Variants in ZCCHC17 observed in about 807,000 individuals in gnomAD.
ZCCHC17 encodes zinc finger CCHC domain-containing protein 17.
Under a neutral mutation model 30.6 loss-of-function variants are expected in ZCCHC17, and 18 were observed. The ratio of observed to expected loss-of-function variants is 0.59; its 90% confidence interval spans 0.41 to 0.87. ZCCHC17 has a LOEUF of 0.87. Among genes scored for constraint, ZCCHC17 ranks in the 40% least tolerant of loss-of-function variants. ZCCHC17 has a pLI of 0.00. For missense variants in ZCCHC17, 263 were observed against 284.2 expected, an observed-to-expected ratio of 0.93 and a Z score of 0.54; for synonymous variants, 88 against 92.4, an observed-to-expected ratio of 0.95 and a Z score of 0.27.
intron 2 of ZCCHC17, among the ~76,000 whole-genome samples, chr1:31,316,981 A>G (rs930458487): frequency 2.6e-5 from 4 of 151,496 alleles, no homozygotes; most frequent in Non-Finnish European, 4.4e-5. Flanking sequence ...AAGGCACTGG[A>G]CTAGGGAGTC....
At chr1:31,331,865 C>T (rs1304098214) in intron 3 of ZCCHC17, among the ~76,000 whole-genome samples, 1 of 152,110 alleles carries the variant, frequency 6.6e-6, no homozygotes, top group Non-Finnish European at 1.5e-5. Flanking sequence ...CTGCCTCAGC[C>T]TCCCAAAGTG....
chr1:31,307,679 A>G (rs990121401), intron 1 of ZCCHC17, among the ~76,000 whole-genome samples: 60 of 151,974 alleles, frequency 3.9e-4, no homozygotes, highest in African/African-American at 1.4e-3. Flanking sequence ...GGTTCAAGCA[A>G]TTCCCCTGCC....
intron 3 of ZCCHC17, among the ~76,000 whole-genome samples, chr1:31,324,559 C>T (rs1343822190): frequency 6.6e-6 from 1 of 152,242 alleles, no homozygotes; most frequent in Non-Finnish European, 1.5e-5. Context: ...CTCCCACTGC[C>T]TGGACTCTCC....
intron 4 of ZCCHC17, among the ~76,000 whole-genome samples, chr1:31,337,536 T>C (rs979691849): frequency 6.6e-6 from 1 of 152,014 alleles, no homozygotes; most frequent in East Asian, 1.9e-4. Flanking sequence ...ACCCATAGGG[T>C]GGGCCGGAGG....
intron 5 of ZCCHC17, among the ~76,000 whole-genome samples, chr1:31,343,688 ATT>A (rs10718784): frequency 0.55 from 72,117 of 132,114 alleles, 19,701 homozygotes; most frequent in Non-Finnish European, 0.62. Context: ...GTAGTATATA[ATT>A]TTTTTTTTTT....
rs1404328062 is a variant in ZCCHC17, at chr1:31,310,606, C to CT, written c.66+444dup. Among the ~76,000 whole-genome samples, 4 of 152,344 alleles carry CT rather than the reference C, an allele frequency of 2.6e-5. No homozygotes were observed. The East Asian group carries it at 7.7e-4, about 29-fold the overall frequency. On this transcript the variant is annotated intron_variant, in intron 2 of 7. Transcript: ENST00000344147. Reference sequence around the variant, plus strand: ...CTTTCTCTCCTTCTTACCCTCTTACCTTCCACCATGGGATGACACAACAAG... The same window carrying CT: ...CTTTCTCTCCTTCTTACCCTCTTACCTTTCCACCATGGGATGACACAACAAG...
At chr1:31,322,262 CTT>C (rs769264506) in intron 3 of ZCCHC17, among the ~76,000 whole-genome samples, 2 of 152,160 alleles carry the variant, frequency 1.3e-5, no homozygotes, top group Non-Finnish European at 2.9e-5. Flanking sequence ...ATTCCACAAA[CTT>C]AAGGGCTCAG....
rs913100391 is a variant in ZCCHC17 at position 31,337,110 on chromosome 1, C to T, written c.125-65C>T. ...CATTCCCCAACTCTTACCTTCTTAT[C>T]CAGTTTAGAGTATAAATACCAGATA... On this transcript the variant is annotated intron_variant, in intron 3 of 7. Coordinates refer to ENST00000344147, the MANE Select transcript of ZCCHC17 (RefSeq NM_016505.4). 5 of 1,419,550 alleles carry T rather than the reference C, an allele frequency of 3.5e-6. No homozygotes were observed. In the African/African-American group the frequency reaches 5.7e-5, roughly 16 times the overall value. The allele number at this position is 1,419,550 out of a possible 1,614,324, so 87.9% of individuals were successfully genotyped here. A position where few individuals can be genotyped will look rare whatever the true frequency, so the allele number is the denominator to read the frequency against.
chr1:31,329,135 G>T, intron 3 of ZCCHC17, among the ~76,000 whole-genome samples: 1 of 152,140 alleles, frequency 6.6e-6, no homozygotes, highest in South Asian at 2.1e-4. Flanking sequence ...GGCTTACTAT[G>T]AATAACAGAA....
intron 7 of ZCCHC17, among the ~76,000 whole-genome samples, chr1:31,355,777 G>A (rs1311544636): frequency 6.6e-6 from 1 of 152,176 alleles, no homozygotes; most frequent in African/African-American, 2.4e-5. Context: ...TAGCCATCAT[G>A]TGATGTTATC....
chr1:31,343,191 C>G (rs1016622301), intron 5 of ZCCHC17, among the ~76,000 whole-genome samples: 2 of 152,192 alleles, frequency 1.3e-5, no homozygotes, highest in African/African-American at 4.8e-5. Context: ...TCCTGAGTAG[C>G]TGGGATTACA....
Position 31,337,204 on chromosome 1 carries a change from T to C in ZCCHC17, c.154T>C (p.Cys52Arg). 6.2e-7 allele frequency: 1 copy of C among 1,614,146 alleles called. No individual in the cohort carries two copies. The highest frequency in any genetic ancestry group is 8.5e-7 in the Non-Finnish European group (1 of 1,180,024). ...GLVHRTHMSS[C>R]RVDKPSEIVD... ...GGTCCATCGAACTCATATGTCATCCTGTCGGGTGGATAAGCCCTCTGAGAT... is the reference window on the plus strand; with the variant it reads ...GGTCCATCGAACTCATATGTCATCCCGTCGGGTGGATAAGCCCTCTGAGAT... The change falls in exon 4 of 8, where the codon TGT becomes CGT. Residue 52 changes from cysteine to arginine, a missense_variant. Cys to Arg is a radical substitution (Grantham distance 180, BLOSUM62 -3). Coordinates refer to ENST00000344147, the MANE Select transcript of ZCCHC17 (RefSeq NM_016505.4).
At chr1:31,297,247 G>A (rs1646185571) in intron 1 of ZCCHC17, 172 bp downstream of exon 1, 1 of 398,914 alleles carries the variant, frequency 2.5e-6, no homozygotes, top group Non-Finnish European at 4.4e-6. Flanking sequence ...TTCGGGGCAG[G>A]AGCGGAGCCT....
chr1:31,321,142 G>C (rs1271921995), intron 3 of ZCCHC17, among the ~76,000 whole-genome samples: 2 of 152,098 alleles, frequency 1.3e-5, no homozygotes. Flanking sequence ...ATCTTGAATT[G>C]TAGTTCTCGT....
intron 3 of ZCCHC17, among the ~76,000 whole-genome samples, chr1:31,334,912 T>C (rs1408871144): frequency 6.6e-6 from 1 of 152,222 alleles, no homozygotes; most frequent in African/African-American, 2.4e-5. Flanking sequence ...AAGCATATAG[T>C]TTTTCCTATG....
At chr1:31,327,664 G>A (rs912235848) in intron 3 of ZCCHC17, among the ~76,000 whole-genome samples, 2 of 152,114 alleles carry the variant, frequency 1.3e-5, no homozygotes, top group African/African-American at 4.8e-5. Flanking sequence ...TGATCAGATC[G>A]ACTGCTGTTG....
chr1:31,347,191 G>T (rs1639307463), intron 6 of ZCCHC17, among the ~76,000 whole-genome samples: 1 of 152,122 alleles, frequency 6.6e-6, no homozygotes, highest in Non-Finnish European at 1.5e-5. Flanking sequence ...CTTTTTACAG[G>T]ATATTGAATA....
At chr1:31,319,224 C>G (rs1178275196) in intron 3 of ZCCHC17, 58 bp downstream of exon 3, 1 of 1,397,270 alleles carries the variant, frequency 7.2e-7, no homozygotes, top group South Asian at 1.2e-5. Flanking sequence ...TAACACTCCA[C>G]CACCTCCTAA....
In ZCCHC17 at chr1:31,351,716, C is replaced by T. The variant is rs78503847; in HGVS notation, c.564+2742C>T. Among the ~76,000 whole-genome samples, 1,493 of 152,144 alleles carry T rather than the reference C, an allele frequency of 9.8e-3. 29 individuals are homozygous for T. The highest frequency in any genetic ancestry group is 0.032 in the African/African-American group (1,342 of 41,518). ...GTGATTATGCCACTGCGCTCCTGTC[C>T]GGGCAACAGAGCGAGACCCTGCCTC... On this transcript the variant is annotated intron_variant, in intron 7 of 7. Transcript: ENST00000344147.
Sources: gnomAD v4.1 joint callset for allele counts (sites outside exome capture counted in the v4.1 genomes callset) on GRCh38, gnomAD v4.1.1 for gene constraint, MANE v1.5 for transcripts, NCBI Gene and HGNC (gene_info 2026-07-23, HGNC 2026-07-21) for gene names.